Variants in CDK13 observed in about 807,000 individuals in gnomAD.
The protein encoded by CDK13 is cyclin-dependent kinase 13.
Under a neutral mutation model 137.6 loss-of-function variants are expected in CDK13, and 40 were observed. That is an observed-to-expected ratio of 0.29 (90% CI 0.23 to 0.38). The LOEUF (loss-of-function observed/expected upper bound fraction) is 0.38. Ranked by LOEUF, CDK13 falls within the 10% of genes least tolerant of loss-of-function variation. The probability of loss-of-function intolerance (pLI) is 1.00; values close to 1 mark genes in which losing one functional copy is unlikely to be tolerated. For synonymous variants in CDK13, 869 were observed against 760.1 expected (o/e 1.14, Z -2.36); for missense variants, 1,704 against 1,951.8 (o/e 0.87, Z 2.39).
At chr7:39,963,432 T>C (rs1783795173) in intron 1 of CDK13, among the ~76,000 whole-genome samples, 1 of 151,964 alleles carries the variant, frequency 6.6e-6, no homozygotes, top group South Asian at 2.1e-4. Flanking sequence ...GTTTGTCTGT[T>C]ATTGGTGTAT....
chr7:40,091,234 G>A (rs1476168307), intron 12 of CDK13, among the ~76,000 whole-genome samples: 2 of 152,192 alleles, frequency 1.3e-5, no homozygotes, highest in Non-Finnish European at 2.9e-5. Flanking sequence ...TGTAGTCCCA[G>A]CTACTCGGGA....
intron 9 of CDK13, among the ~76,000 whole-genome samples, chr7:40,074,243 C>T (rs191296070): frequency 1.4e-3 from 216 of 152,032 alleles, no homozygotes; most frequent in Middle Eastern, 3.4e-3. Context: ...TGGGCATGGG[C>T]CAGGTGCGGT....
intron 5 of CDK13, among the ~76,000 whole-genome samples, chr7:40,021,489 CA>C (rs11303285): frequency 0.99 from 150,646 of 151,736 alleles, 74,790 homozygotes; most frequent in East Asian, 1. Flanking sequence ...GAGACTGTCT[CA>C]AAAAAAAAGG....
chr7:40,009,608 T>C (rs1020679810), intron 5 of CDK13, among the ~76,000 whole-genome samples: 11 of 152,344 alleles, frequency 7.2e-5, no homozygotes, highest in African/African-American at 2.6e-4. Context: ...TTTTTTAACA[T>C]TTGATTATTT....
intron 7 of CDK13, chr7:40,062,378 C>T (rs372722795): frequency 1.1e-3 from 170 of 156,562 alleles, no homozygotes; most frequent in African/African-American, 3.6e-3. Flanking sequence ...CTCTGCCTCC[C>T]GGGTTCACAT....
In CDK13 at chr7:39,950,787, T is replaced by TGCAACCGCCGCC. The variant is rs1787130824; in HGVS notation, c.149_160dup (p.Gln50_Pro53dup). 1 of 1,468,522 alleles carries TGCAACCGCCGCC rather than the reference T, an allele frequency of 6.8e-7. No homozygotes were observed. 91.0% of individuals were successfully genotyped at this position (1,468,522 alleles called of 1,614,324 possible). On this transcript the variant is annotated inframe_insertion, in exon 1 of 14. Transcript: ENST00000181839. The stretch of plus-strand genomic sequence containing the variant: ...TTGCCGCTCCTGCAGCCGCAGCTCC[T>TGCAACCGCCGCC]GCAACCGCCGCCGCCCCCGCCGCCT...
chr7:40,046,125 G>T lies in CDK13; in HGVS notation c.2543+100G>T, dbSNP rs1032484677. On this transcript the variant is annotated intron_variant, in intron 6 of 13. Transcript: ENST00000181839. ...ACCGTAGCGGCGGGGAATGTCGGGG[G>T]TGGTGAGCGTTGAAAGTTACCTATT... 9.1e-6 allele frequency: 7 copies of T among 767,254 alleles called. No homozygotes were observed. The East Asian group carries it at 1.0e-4, about 11-fold the overall frequency. 47.5% of individuals were successfully genotyped at this position (767,254 alleles called of 1,614,324 possible).
At chr7:40,027,454 C>T (rs969453172) in intron 5 of CDK13, among the ~76,000 whole-genome samples, 2 of 152,184 alleles carry the variant, frequency 1.3e-5, no homozygotes, top group Non-Finnish European at 2.9e-5. Flanking sequence ...TTGTATTGTA[C>T]ACTCACAGCA....
At chr7:39,973,961 G>A (rs1784053180) in intron 1 of CDK13, among the ~76,000 whole-genome samples, 1 of 152,144 alleles carries the variant, frequency 6.6e-6, no homozygotes, top group African/African-American at 2.4e-5. Flanking sequence ...CCGTATGCCA[G>A]TACCACACAG....
At chr7:39,978,415 A>G (rs771219344) in intron 1 of CDK13, among the ~76,000 whole-genome samples, 4 of 152,152 alleles carry the variant, frequency 2.6e-5, no homozygotes, top group Non-Finnish European at 4.4e-5. Context: ...GAATGGATGT[A>G]TGTATAAGCC....
chr7:39,992,166 GTGTGTGT>G (rs1562716907), intron 2 of CDK13, among the ~76,000 whole-genome samples: 44 of 47,178 alleles, frequency 9.3e-4, no homozygotes, highest in African/African-American at 1.3e-3. Flanking sequence ...TAATGAGGGT[GTGTGTGT>G]GTGTGTGTGT....
intron 9 of CDK13, among the ~76,000 whole-genome samples, chr7:40,075,485 A>AT (rs1180366976): frequency 2.0e-5 from 3 of 151,168 alleles, no homozygotes; most frequent in Non-Finnish European, 4.4e-5. Flanking sequence ...ATAAAATAAA[A>AT]TTTTATTGAA....
intron 1 of CDK13, among the ~76,000 whole-genome samples, chr7:39,974,697 G>A (rs961856992): frequency 1.1e-4 from 16 of 151,948 alleles, no homozygotes. Context: ...CTATGTAGCT[G>A]GGATTACAGG....
chr7:40,040,637 CAT>C (rs1216080875), intron 5 of CDK13, among the ~76,000 whole-genome samples: 3 of 152,122 alleles, frequency 2.0e-5, no homozygotes, highest in South Asian at 2.1e-4. Flanking sequence ...TCCATTTGCT[CAT>C]GTGTACTTTT....
chr7:40,080,060 T>C (rs1422475647), intron 11 of CDK13, among the ~76,000 whole-genome samples: 4 of 152,258 alleles, frequency 2.6e-5, no homozygotes, highest in African/African-American at 9.6e-5. Context: ...CGATCTCAGC[T>C]CACTACAACC....
chr7:40,062,982 A>T lies in CDK13; in HGVS notation c.2703-41A>T, dbSNP rs368907729. On this transcript the variant is annotated intron_variant, in intron 8 of 13. Coordinates refer to ENST00000181839, the MANE Select transcript of CDK13 (RefSeq NM_003718.5). Reference sequence around the variant, plus strand: ...TACTTGAAACTTTTGGTAGTGAATTAAAATAGATCATTTGGTAATGACGGG... The same window carrying T: ...TACTTGAAACTTTTGGTAGTGAATTTAAATAGATCATTTGGTAATGACGGG... 4.7e-5 allele frequency: 76 copies of T among 1,606,074 alleles called. No homozygotes were observed. The African/African-American group carries it at 5.5e-4, about 12-fold the overall frequency.
At chr7:40,003,206 A>ACACACACACACACACACT (rs374470130) in intron 5 of CDK13, among the ~76,000 whole-genome samples, 1 of 79,864 alleles carries the variant, frequency 1.3e-5, no homozygotes, top group African/African-American at 4.8e-5. Context: ...ACACACACAC[A>ACACACACACACACACACT]CTCTCTCTCT....
chr7:40,089,978 TTAAAG>T (rs1238061167), intron 12 of CDK13, among the ~76,000 whole-genome samples: 2 of 152,222 alleles, frequency 1.3e-5, no homozygotes, highest in Non-Finnish European at 2.9e-5. Context: ...AACTGCATAC[TTAAAG>T]TACTCATTCA....
chr7:40,001,782 T>A (rs1390699085), intron 4 of CDK13, 79 bp from the exon 5 acceptor site: 4 of 904,704 alleles, frequency 4.4e-6, no homozygotes, highest in Non-Finnish European at 5.3e-6. Context: ...CAGAATTGAA[T>A]TAAAATACAT....
Sources: allele counts gnomAD v4.1 joint callset (sites outside exome capture counted in the v4.1 genomes callset), GRCh38; gene constraint gnomAD v4.1.1; transcripts MANE v1.5; gene names NCBI Gene and HGNC (gene_info 2026-07-23, HGNC 2026-07-21).